The following FBXL18 variants were observed in gnomAD, a reference collection of about 807,000 sequenced individuals.
The protein encoded by FBXL18 is F-box/LRR-repeat protein 18.
FBXL18 carries 36 observed loss-of-function variants against 46.0 expected under a neutral mutation model. The observed-to-expected ratio is 0.78, with a 90% CI of 0.60 to 1.03. The LOEUF is 1.03. Among genes scored for constraint, FBXL18 ranks in the 50% least tolerant of loss-of-function variants. FBXL18 has a pLI of 0.00. For missense variants in FBXL18, 977 were observed against 1,004.1 expected, an observed-to-expected ratio of 0.97 and a Z score of 0.36; for synonymous variants, 557 against 465.3, an observed-to-expected ratio of 1.20 and a Z score of -2.54.
intron 3 of FBXL18, among the ~76,000 whole-genome samples, chr7:5,492,182 G>T (rs1783944698): frequency 6.7e-6 from 1 of 148,674 alleles, no homozygotes; most frequent in African/African-American, 2.5e-5. Flanking sequence ...GAGGACTTGG[G>T]AAAGGGAAGT....
intron 4 of FBXL18, among the ~76,000 whole-genome samples, chr7:5,457,216 G>T (rs1256175535): frequency 1.3e-5 from 2 of 152,210 alleles, no homozygotes; most frequent in Non-Finnish European, 1.5e-5. Flanking sequence ...AATTCGATCT[G>T]TCCCATTCTG....
rs575173964 is a variant in FBXL18, at chr7:5,477,494, G to A, written c.*4281C>T. Among the ~76,000 whole-genome samples, 1 of 152,222 alleles carries A rather than the reference G, an allele frequency of 6.6e-6. No individual in the cohort carries two copies. The highest frequency in any genetic ancestry group is 6.5e-5 in the Admixed American group (1 of 15,278). Reference sequence around the variant, plus strand: ...GAGGCAGGAGAATCACTTGAGGTCAGGAGTTCAAGGCCAGCCTGACCAACA... The same window carrying A: ...GAGGCAGGAGAATCACTTGAGGTCAAGAGTTCAAGGCCAGCCTGACCAACA... On this transcript the variant is annotated 3_prime_UTR_variant, in exon 5 of 5. Coordinates refer to ENST00000382368, the MANE Select transcript of FBXL18 (RefSeq NM_024963.6). This position sits in a 1 kb window ranked among gnomAD's most constrained non-coding sequence, Gnocchi z 4.4.
At chr7:5,499,744 A>T (rs78252416) in intron 3 of FBXL18, among the ~76,000 whole-genome samples, 1 of 120,932 alleles carries the variant, frequency 8.3e-6, no homozygotes, top group African/African-American at 3.3e-5. Context: ...AAAAAAAAAA[A>T]GAAAAAAAAA....
chr7:5,461,549 G>A (rs1252283822), intron 4 of FBXL18, among the ~76,000 whole-genome samples: 3 of 152,122 alleles, frequency 2.0e-5, no homozygotes, highest in Non-Finnish European at 4.4e-5. Context: ...AGGCTGAAGT[G>A]GGAGGATTGC....
In FBXL18 at chr7:5,496,946, G is replaced by A. The variant is rs1213349828; in HGVS notation, c.1781+3542C>T. Among the ~76,000 whole-genome samples, 4 of 149,662 alleles carry A rather than the reference G, an allele frequency of 2.7e-5. No individual in the cohort carries two copies. Among genetic ancestry groups the A allele is most frequent in the African/African-American group, 9.9e-5 (4 of 40,226 alleles). ...CTCTGGAGGCTGAGACAGGAGAATCGCTTGAATCCAGGAGGCAGAGGTTGC... is the reference window on the plus strand; with the variant it reads ...CTCTGGAGGCTGAGACAGGAGAATCACTTGAATCCAGGAGGCAGAGGTTGC... On this transcript the variant is annotated intron_variant, in intron 3 of 4. Coordinates refer to ENST00000382368, the MANE Select transcript of FBXL18 (RefSeq NM_024963.6). The surrounding 1 kb of genome is among the most constrained non-coding windows in gnomAD (Gnocchi z 4.8).
chr7:5,463,702 A>ATATT (rs1349633532), intron 4 of FBXL18, among the ~76,000 whole-genome samples: 691 of 68,788 alleles, frequency 0.01, 3 homozygotes, highest in South Asian at 0.017. Flanking sequence ...AACTATATAT[A>ATATT]TATTTATTTA....
chr7:5,511,277 A>C (rs140641907), intron 1 of FBXL18, among the ~76,000 whole-genome samples: 4,634 of 152,204 alleles, frequency 0.03, 92 homozygotes, highest in Non-Finnish European at 0.046. Flanking sequence ...TCTACTAAAA[A>C]TACAAAAAAA....
chr7:5,490,224 C>G (rs752495024), intron 4 of FBXL18: 3 of 1,332,278 alleles, frequency 2.3e-6, no homozygotes, highest in Non-Finnish European at 3.0e-6. Flanking sequence ...TGCAGGGACA[C>G]GAACACTCAG....
chr7:5,468,198 T>G (rs1354169872), intron 4 of FBXL18, among the ~76,000 whole-genome samples: 2 of 152,274 alleles, frequency 1.3e-5, no homozygotes, highest in East Asian at 3.9e-4. Context: ...TTAGCCAGGA[T>G]GGTCTCGATC....
chr7:5,483,954 G>C (rs1226303895), intron 4 of FBXL18, among the ~76,000 whole-genome samples: 2 of 152,166 alleles, frequency 1.3e-5, no homozygotes, highest in African/African-American at 2.4e-5. Flanking sequence ...ACGACACACA[G>C]AGTCAATAGC....
intron 4 of FBXL18, among the ~76,000 whole-genome samples, chr7:5,467,360 T>TAATAATA (rs544545471): frequency 4.1e-5 from 6 of 147,976 alleles, no homozygotes; most frequent in African/African-American, 1.0e-4. Flanking sequence ...TAAAAAATAA[T>TAATAATA]AATAATAAAT....
chr7:5,512,353 G>A (rs1784562841), intron 1 of FBXL18, among the ~76,000 whole-genome samples: 3 of 140,290 alleles, frequency 2.1e-5, no homozygotes, highest in South Asian at 2.4e-4. Context: ...TGTGGCTCAC[G>A]CCTGTAATCC....
At chr7:5,497,800 G>A (rs1784122691) in intron 3 of FBXL18, among the ~76,000 whole-genome samples, 1 of 152,212 alleles carries the variant, frequency 6.6e-6, no homozygotes, top group African/African-American at 2.4e-5. Flanking sequence ...TGCAATCGCA[G>A]CAGATTATGG....
chr7:5,493,496 C>G (rs554012878), intron 3 of FBXL18, among the ~76,000 whole-genome samples: 1 of 152,016 alleles, frequency 6.6e-6, no homozygotes, highest in East Asian at 2.0e-4. Flanking sequence ...GGGGTTTCAC[C>G]GTGTTAGCCA....
intron 4 of FBXL18, among the ~76,000 whole-genome samples, chr7:5,454,881 A>G (rs1783150966): frequency 6.6e-6 from 1 of 152,214 alleles, no homozygotes; most frequent in Admixed American, 6.5e-5. Context: ...CCAGTGAGAG[A>G]GGACGCGCTG....
downstream of FBXL18, among the ~76,000 whole-genome samples, chr7:5,474,734 G>C (rs1322612684): frequency 6.8e-6 from 1 of 146,492 alleles, no homozygotes; most frequent in Non-Finnish European, 1.5e-5. Flanking sequence ...TTGAGACAGA[G>C]TCTCGCTCTG....
chr7:5,468,215 C>A (rs1422950571), intron 4 of FBXL18, among the ~76,000 whole-genome samples: 3 of 152,124 alleles, frequency 2.0e-5, no homozygotes, highest in Non-Finnish European at 4.4e-5. Flanking sequence ...GATCTCCTGA[C>A]CTCGTGATCC....
At chr7:5,458,947 G>A (rs1428365728) in intron 4 of FBXL18, among the ~76,000 whole-genome samples, 1 of 150,972 alleles carries the variant, frequency 6.6e-6, no homozygotes, top group Non-Finnish European at 1.5e-5. Context: ...AGGAGTTTGA[G>A]ACCAGCCTGG....
At chr7:5,490,755 G>A (rs540941340) in intron 4 of FBXL18, among the ~76,000 whole-genome samples, 14 of 152,252 alleles carry the variant, frequency 9.2e-5, no homozygotes, top group East Asian at 5.8e-4. Flanking sequence ...ACCTGAGGTC[G>A]GGAGTTCGAG....
Sources: allele counts gnomAD v4.1 joint callset (sites outside exome capture counted in the v4.1 genomes callset), GRCh38; gene constraint gnomAD v4.1.1; non-coding constraint Gnocchi (gnomAD v3.1); transcripts MANE v1.5; gene names NCBI Gene and HGNC (gene_info 2026-07-23, HGNC 2026-07-21).